The following SUMF1 variants were observed in gnomAD, a reference collection of about 807,000 sequenced individuals.
SUMF1 encodes sulfatase modifying factor 1.
In SUMF1, 48 loss-of-function variants were observed where a neutral mutation model predicts 47.6. The ratio of observed to expected loss-of-function variants is 1.01; its 90% CI spans 0.80 to 1.28. SUMF1 has a LOEUF of 1.28. Ranked by LOEUF, SUMF1 falls within the 50% of genes most tolerant of loss-of-function variation. The pLI is 0.00. For synonymous variants in SUMF1, 230 were observed against 192.1 expected, an observed-to-expected ratio of 1.20 and a Z score of -1.63; for missense variants, 571 against 485.4, an observed-to-expected ratio of 1.18 and a Z score of -1.66.
At position 4,114,097 on chromosome 3, in the gene SUMF1, C is replaced by T. The variant is rs142233229; in HGVS notation, c.1015-45352G>A. ...TTCTTGGGTAGAAGGTGGGAGATGT[C>T]CCACACTTAAATTGAGGAACCAAAT... is the stretch of plus-strand genomic sequence containing the variant. On this transcript the variant is annotated intron_variant and NMD_transcript_variant, in intron 8 of 12. Transcript: ENST00000448413. Among the ~76,000 whole-genome samples, 485 of 152,180 alleles carry T rather than the reference C, an allele frequency of 3.2e-3. 1 individual carries two copies. Among genetic ancestry groups the T allele is most frequent in the Admixed American group, 7.8e-3 (119 of 15,288 alleles).
intron 8 of SUMF1, among the ~76,000 whole-genome samples, chr3:4,178,483 T>C (rs1695019323): frequency 2.0e-5 from 3 of 152,108 alleles, no homozygotes; most frequent in Admixed American, 2.0e-4. Context: ...TTTGACAAAA[T>C]TCAACAGCCC....
chr3:4,299,541 G>A (rs1451769910), intron 8 of SUMF1, among the ~76,000 whole-genome samples: 6 of 152,204 alleles, frequency 3.9e-5, no homozygotes, highest in African/African-American at 9.7e-5. Context: ...AGATGTCGTC[G>A]CTTATGCCTG....
At chr3:4,187,195 C>T (rs1335567721) in intron 8 of SUMF1, among the ~76,000 whole-genome samples, 1 of 151,952 alleles carries the variant, frequency 6.6e-6, no homozygotes, top group Non-Finnish European at 1.5e-5. Flanking sequence ...CAAAGCAAGA[C>T]CCCATCTCTA....
intron 6 of SUMF1, chr3:4,414,683 C>T (rs959615022): frequency 6.6e-6 from 1 of 152,214 alleles, no homozygotes; most frequent in African/African-American, 2.4e-5. Flanking sequence ...CAATTTCCCA[C>T]ACATATGCTG....
intron 9 of SUMF1, among the ~76,000 whole-genome samples, chr3:4,036,749 G>C (rs1448717188): frequency 6.7e-6 from 1 of 148,490 alleles, no homozygotes; most frequent in Non-Finnish European, 1.5e-5. Context: ...CCTCAACAAA[G>C]CAGAGGGGCT....
At chr3:4,338,285 G>T (rs1349309976) in intron 8 of SUMF1, among the ~76,000 whole-genome samples, 1 of 130,732 alleles carries the variant, frequency 7.6e-6, no homozygotes, top group Non-Finnish European at 1.7e-5. Flanking sequence ...TTATTAAAAA[G>T]AAAAAAAAAA....
intron 8 of SUMF1, among the ~76,000 whole-genome samples, chr3:4,355,748 AG>A (rs1372962313): frequency 6.6e-6 from 1 of 152,194 alleles, no homozygotes; most frequent in Non-Finnish European, 1.5e-5. Context: ...CCCAGACCCA[AG>A]GGCGGGAGAG....
At chr3:4,422,660 G>A (rs1378760588) in intron 3 of SUMF1, among the ~76,000 whole-genome samples, 2 of 152,086 alleles carry the variant, frequency 1.3e-5, no homozygotes, top group Non-Finnish European at 2.9e-5. Flanking sequence ...GTACATGGTG[G>A]AGTGGAACAG....
rs571168076 is a variant in SUMF1 at position 4,180,447 on chromosome 3, G to A, written c.1015-111702C>T. 9.4e-4 allele frequency among the ~76,000 whole-genome samples: 143 copies of A among 151,428 alleles called. 1 individual carries two copies. Among genetic ancestry groups the A allele is most frequent in the Non-Finnish European group, 1.8e-3 (123 of 67,872 alleles). On this transcript the variant is annotated intron_variant and NMD_transcript_variant, in intron 8 of 12. Transcript: ENST00000448413. ...TTCTCAGCAAACCATCACAAGGACA[G>A]AAAACCAACACCACATGTTCTCACT...
chr3:4,072,765 G>A (rs1044557891), intron 8 of SUMF1, among the ~76,000 whole-genome samples: 3 of 152,142 alleles, frequency 2.0e-5, no homozygotes, highest in Non-Finnish European at 4.4e-5. Flanking sequence ...GAAATGAAGT[G>A]AGAAGACAAG....
intron 7 of SUMF1, among the ~76,000 whole-genome samples, chr3:4,401,473 G>T (rs955336496): frequency 6.6e-6 from 1 of 152,074 alleles, no homozygotes; most frequent in African/African-American, 2.4e-5. Context: ...ACTGTCAGCT[G>T]CAGCCTCCAT....
At chr3:4,265,623 A>G (rs1697176318) in intron 8 of SUMF1, among the ~76,000 whole-genome samples, 1 of 152,116 alleles carries the variant, frequency 6.6e-6, no homozygotes, top group African/African-American at 2.4e-5. Flanking sequence ...TAGATTCTGG[A>G]TATTAGCCCT....
chr3:4,261,922 G>A (rs1697095414), intron 8 of SUMF1, among the ~76,000 whole-genome samples: 1 of 152,038 alleles, frequency 6.6e-6, no homozygotes. Flanking sequence ...TCCTTTCAGG[G>A]GCTACCCTTG....
chr3:4,376,200 T>A, intron 8 of SUMF1, 130 bp downstream of exon 8: 1 of 1,119,822 alleles, frequency 8.9e-7, no homozygotes. Context: ...TCCTCCTTTT[T>A]TTCTGGTTTC....
chr3:4,202,011 T>C (rs1695550882), intron 8 of SUMF1, among the ~76,000 whole-genome samples: 1 of 152,080 alleles, frequency 6.6e-6, no homozygotes, highest in Admixed American at 6.6e-5. Context: ...ATTAATTGCT[T>C]GTCAGATGGA....
At chr3:4,444,409 TGAGAGCTAAAATGGAAA>T (rs1190607959) in intron 3 of SUMF1, among the ~76,000 whole-genome samples, 2 of 152,212 alleles carry the variant, frequency 1.3e-5, no homozygotes, top group African/African-American at 4.8e-5. Context: ...TGAGATTAGT[TGAGAGCTAAAATGGAAA>T]GAGTACTCTC....
At chr3:4,234,770 G>T (rs529618038) in intron 8 of SUMF1, among the ~76,000 whole-genome samples, 2 of 152,182 alleles carry the variant, frequency 1.3e-5, no homozygotes, top group South Asian at 4.1e-4. Context: ...AAGAGGGATG[G>T]GGGAACTATT....
chr3:4,376,518 C>T (rs917993065), intron 7 of SUMF1, 129 bp from the exon 8 acceptor site: 1 of 938,406 alleles, frequency 1.1e-6, no homozygotes, highest in Non-Finnish European at 1.7e-6. Context: ...CATTTCCACC[C>T]CTAGGCTTTG....
chr3:4,401,389 C>G (rs1026625475), intron 7 of SUMF1, among the ~76,000 whole-genome samples: 1 of 152,150 alleles, frequency 6.6e-6, no homozygotes, highest in African/African-American at 2.4e-5. Flanking sequence ...GGAATTGCCA[C>G]ACTGTCTTCC....
Sources: allele counts gnomAD v4.1 joint callset (sites outside exome capture counted in the v4.1 genomes callset), GRCh38; gene constraint gnomAD v4.1.1; transcripts MANE v1.5; gene names NCBI Gene and HGNC (gene_info 2026-07-23, HGNC 2026-07-21).